Variants in OR10J1 observed in about 807,000 individuals in gnomAD.
The protein encoded by OR10J1 is olfactory receptor 10J1.
For missense variants in OR10J1, 474 were observed against 376.6 expected (o/e 1.26, Z -2.14); for synonymous variants, 202 against 143.8 (o/e 1.40, Z -2.89).
chr1:159,413,080 T>A, the OR10J1 span, among the ~76,000 whole-genome samples: 5 of 152,048 alleles, frequency 3.3e-5, no homozygotes, highest in Non-Finnish European at 5.9e-5. Flanking sequence ...AGAAAAACAC[T>A]TGAAAAAATG....
chr1:159,419,362 C>G, the OR10J1 span, among the ~76,000 whole-genome samples: 5 of 152,236 alleles, frequency 3.3e-5, no homozygotes, highest in South Asian at 4.1e-4. Flanking sequence ...GGGTCTTTCC[C>G]ATGCTGTTCT....
the OR10J1 span, among the ~76,000 whole-genome samples, chr1:159,404,849 G>C: frequency 6.6e-6 from 1 of 152,098 alleles, no homozygotes; most frequent in South Asian, 2.1e-4. Flanking sequence ...TTGTTTCCCA[G>C]CCTACTCTAT....
chr1:159,416,609 A>G, the OR10J1 span, among the ~76,000 whole-genome samples: 1 of 151,918 alleles, frequency 6.6e-6, no homozygotes, highest in Non-Finnish European at 1.5e-5. Flanking sequence ...AATGAGTTAG[A>G]GAAAATTTTC....
At chr1:159,435,400 T>C (rs1297499621), upstream of OR10J1, among the ~76,000 whole-genome samples, 2 of 152,198 alleles carry the variant, frequency 1.3e-5, no homozygotes, top group Non-Finnish European at 2.9e-5. Context: ...AAGTATTTTT[T>C]AAAGTACCAT....
the OR10J1 span, chr1:159,405,675 A>G: frequency 7.5e-6 from 4 of 536,256 alleles, no homozygotes; most frequent in Admixed American, 2.3e-5. Context: ...CCTTCTTCCT[A>G]CCCTCAGTTG....
At chr1:159,428,294 A>C in the OR10J1 span, among the ~76,000 whole-genome samples, 1 of 152,148 alleles carries the variant, frequency 6.6e-6, no homozygotes, top group Non-Finnish European at 1.5e-5. Flanking sequence ...TCAGAAAAAA[A>C]CCTACATTCA....
the OR10J1 span, among the ~76,000 whole-genome samples, chr1:159,416,953 A>T: frequency 6.6e-6 from 1 of 151,512 alleles, no homozygotes; most frequent in Non-Finnish European, 1.5e-5. Flanking sequence ...GATTTTATTT[A>T]TTTGGGTCTT....
Position 159,440,056 on chromosome 1 carries a change from A to G in OR10J1, c.265A>G (p.Ser89Gly). Residue 89 changes from serine (S) to glycine (G), a missense_variant, in exon 1 of 1, where the codon AGC becomes GGC. By Grantham distance (56) the Ser-to-Gly change is moderately conservative. Transcript: ENST00000423932. ...PRMLSSLVGM[S>G]QPISLAGCAT... ...AATGCTCTCCAGCCTCGTAGGTATG[A>G]GCCAGCCCATATCATTGGCAGGGTG... is the stretch of plus-strand genomic sequence containing the variant. The G allele has an allele frequency of 6.2e-7, 1 of 1,614,066 alleles. No individual in the cohort carries two copies. Among genetic ancestry groups the G allele is most frequent in the Non-Finnish European group, 8.5e-7 (1 of 1,179,996 alleles).
chr1:159,434,850 GC>G (rs1655690371), upstream of OR10J1, among the ~76,000 whole-genome samples: 1 of 152,056 alleles, frequency 6.6e-6, no homozygotes, highest in Admixed American at 6.6e-5. Context: ...CACAGACATT[GC>G]TCCCTGGGTC....
At chr1:159,398,466 A>G in the OR10J1 span, among the ~76,000 whole-genome samples, 2 of 152,346 alleles carry the variant, frequency 1.3e-5, no homozygotes, top group African/African-American at 2.4e-5. Context: ...CAGAAAGGGA[A>G]TTCAAAATAG....
chr1:159,424,123 G>A, the OR10J1 span, among the ~76,000 whole-genome samples: 1 of 151,828 alleles, frequency 6.6e-6, no homozygotes, highest in Admixed American at 6.6e-5. Flanking sequence ...GGCTGAAGCA[G>A]GAGAATCGCT....
the OR10J1 span, among the ~76,000 whole-genome samples, chr1:159,409,975 G>T: frequency 1.3e-5 from 2 of 151,954 alleles, no homozygotes; most frequent in Non-Finnish European, 2.9e-5. Context: ...TTTGTCTTTG[G>T]TTCTGTTTAT....
the OR10J1 span, among the ~76,000 whole-genome samples, chr1:159,423,152 C>T: frequency 6.6e-6 from 1 of 152,236 alleles, no homozygotes; most frequent in South Asian, 2.1e-4. Context: ...TTCATGTAGC[C>T]TCTTAAAGAA....
the OR10J1 span, among the ~76,000 whole-genome samples, chr1:159,420,150 C>T: frequency 6.6e-6 from 1 of 152,102 alleles, no homozygotes; most frequent in East Asian, 1.9e-4. Flanking sequence ...TTCCTGCTCA[C>T]TTTGGTTTCC....
rs549496265 is a variant in OR10J1 at position 159,440,138 on chromosome 1, C to T, written c.347C>T (p.Thr116Ile). The T allele has an allele frequency of 1.6e-5, 26 of 1,614,174 alleles. No individual in the cohort carries two copies. The South Asian group carries it at 2.3e-4, about 14-fold the overall frequency. The change falls in exon 1 of 1, where the codon ACA becomes ATA. Residue 116 changes from threonine (T) to isoleucine (I), a missense_variant. Coordinates refer to ENST00000423932, the MANE Select transcript of OR10J1 (RefSeq NM_012351.3). ...TFGITNCFLL[T>I]AMGYDRYVAI... ...GGCATCACTAACTGCTTCCTGCTCA[C>T]AGCAATGGGATATGACCGCTATGTG...
At chr1:159,400,691 T>C in the OR10J1 span, among the ~76,000 whole-genome samples, 1 of 151,844 alleles carries the variant, frequency 6.6e-6, no homozygotes, top group Non-Finnish European at 1.5e-5. Context: ...AGTACCCCAC[T>C]TGCAGCATTG....
At chr1:159,404,595 A>G in the OR10J1 span, among the ~76,000 whole-genome samples, 1 of 152,088 alleles carries the variant, frequency 6.6e-6, no homozygotes, top group African/African-American at 2.4e-5. Context: ...TTCCCCTAAA[A>G]TGGGTAGACA....
chr1:159,419,852 AT>A, the OR10J1 span, among the ~76,000 whole-genome samples: 1 of 152,174 alleles, frequency 6.6e-6, no homozygotes, highest in Non-Finnish European at 1.5e-5. Flanking sequence ...ATTTGGTTAA[AT>A]ATGCAACTTA....
chr1:159,405,236 AG>A, the OR10J1 span, among the ~76,000 whole-genome samples: 1 of 152,166 alleles, frequency 6.6e-6, no homozygotes, highest in Non-Finnish European at 1.5e-5. Flanking sequence ...GCCTCAAAAT[AG>A]AATAACACAT....
Sources: gnomAD v4.1 joint callset for allele counts (sites outside exome capture counted in the v4.1 genomes callset) on GRCh38, gnomAD v4.1.1 for gene constraint, MANE v1.5 for transcripts, NCBI Gene and HGNC (gene_info 2026-07-23, HGNC 2026-07-21) for gene names.